The following TTC28 variants were observed in gnomAD, a reference collection of about 807,000 sequenced individuals.
TTC28 encodes the protein tetratricopeptide repeat protein 28.
In TTC28, 61 loss-of-function variants were observed where a neutral mutation model predicts 198.0. That is an observed-to-expected ratio of 0.31 (90% CI 0.25 to 0.38). TTC28 has a LOEUF of 0.38. TTC28 is among the 10% of genes least tolerant of loss of function. The probability of loss-of-function intolerance (pLI) is 1.00; values close to 1 mark genes in which losing one functional copy is unlikely to be tolerated. For synonymous variants in TTC28, 1,171 were observed against 1,297.8 expected, an observed-to-expected ratio of 0.90 and a Z score of 2.10; for missense variants, 2,678 against 3,164.0, an observed-to-expected ratio of 0.85 and a Z score of 3.69.
chr22:28,063,692 G>C (rs1940638202), intron 12 of TTC28, among the ~76,000 whole-genome samples: 1 of 152,188 alleles, frequency 6.6e-6, no homozygotes, highest in South Asian at 2.1e-4. Context: ...CTCTATCAGT[G>C]ATGGATGCAC....
intron 1 of TTC28, among the ~76,000 whole-genome samples, chr22:28,669,512 A>G (rs2051844428): frequency 6.6e-6 from 1 of 151,904 alleles, no homozygotes; most frequent in African/African-American, 2.4e-5. Context: ...ATGTTCCTCA[A>G]TATCAAATTG....
chr22:28,436,267 T>G (rs182359266), intron 2 of TTC28, among the ~76,000 whole-genome samples: 22 of 152,362 alleles, frequency 1.4e-4, no homozygotes, highest in African/African-American at 4.3e-4. Context: ...TGAAGATCAC[T>G]GTGCATCTCA....
In TTC28 at chr22:28,163,384, T is replaced by A. The variant is rs1403293081; in HGVS notation, c.1149A>T (p.Ile383=). Residue 383 remains isoleucine, a synonymous_variant, in exon 6 of 23, where the codon ATA becomes ATT. Transcript: ENST00000397906. The stretch of plus-strand genomic sequence containing the variant: ...CTCGCTTGTTCCCCAGGTCCTTGGC[T>A]ATCTTCAGATGCTGCTCATGGCACT... The part of the protein sequence containing the change: ...AVQCHEQHLK[I]AKDLGNKREE... 1.3e-6 allele frequency: 2 copies of A among 1,551,936 alleles called. No individual in the cohort carries two copies. The highest frequency in any genetic ancestry group is 2.7e-5 in the African/African-American group (2 of 73,062).
chr22:28,458,717 T>C (rs2047902615), intron 2 of TTC28, among the ~76,000 whole-genome samples: 1 of 151,660 alleles, frequency 6.6e-6, no homozygotes, highest in South Asian at 2.1e-4. Flanking sequence ...CCATCTCTAC[T>C]AAAAATACAA....
intron 12 of TTC28, among the ~76,000 whole-genome samples, chr22:28,077,487 T>A (rs1941206095): frequency 6.6e-6 from 1 of 152,172 alleles, no homozygotes; most frequent in Non-Finnish European, 1.5e-5. Flanking sequence ...ATGACAAGCT[T>A]CTTCTGATGT....
chr22:28,191,822 TCAAGGAGGCCTG>T (rs1449294398), intron 5 of TTC28, among the ~76,000 whole-genome samples: 1 of 152,110 alleles, frequency 6.6e-6, no homozygotes, highest in Non-Finnish European at 1.5e-5. Flanking sequence ...CCACTGCAGC[TCAAGGAGGCCTG>T]CCTGCCTCTG....
intron 12 of TTC28, among the ~76,000 whole-genome samples, chr22:28,066,440 T>G (rs183646096): frequency 6.6e-6 from 1 of 152,138 alleles, no homozygotes; most frequent in South Asian, 2.1e-4. Context: ...GACTCACTCA[T>G]CCTACATAAC....
intron 1 of TTC28, among the ~76,000 whole-genome samples, chr22:28,672,486 G>C (rs910867419): frequency 6.6e-6 from 1 of 151,826 alleles, no homozygotes; most frequent in Admixed American, 6.6e-5. Flanking sequence ...ATTTTTATTA[G>C]AGACATGGTT....
intron 6 of TTC28, among the ~76,000 whole-genome samples, chr22:28,145,690 T>C (rs879940950): frequency 6.6e-6 from 1 of 152,216 alleles, no homozygotes; most frequent in Non-Finnish European, 1.5e-5. Context: ...CAGAGTATTG[T>C]GAAGGATAAG....
At chr22:28,541,232 C>T (rs143107963) in intron 2 of TTC28, among the ~76,000 whole-genome samples, 1 of 152,266 alleles carries the variant, frequency 6.6e-6, no homozygotes, top group Non-Finnish European at 1.5e-5. Flanking sequence ...GCAGCACAAA[C>T]GTGTGATGCC....
intron 2 of TTC28, among the ~76,000 whole-genome samples, chr22:28,579,887 T>G (rs914144618): frequency 6.6e-6 from 1 of 151,936 alleles, no homozygotes; most frequent in African/African-American, 2.4e-5. Context: ...GAAGAACCAC[T>G]TGAACCCCGG....
chr22:28,417,289 C>T (rs1032718982), intron 2 of TTC28, among the ~76,000 whole-genome samples: 4 of 137,984 alleles, frequency 2.9e-5, no homozygotes, highest in Non-Finnish European at 6.2e-5. Flanking sequence ...ATAGCAAGAC[C>T]CTGTCTCTAC....
intron 13 of TTC28, among the ~76,000 whole-genome samples, chr22:28,025,060 T>C (rs1446540466): frequency 6.6e-6 from 1 of 152,202 alleles, no homozygotes. Context: ...GCCAGGGCTA[T>C]AGCTGTAGCT....
intron 5 of TTC28, among the ~76,000 whole-genome samples, chr22:28,237,552 TTATTG>T (rs1360937256): frequency 6.6e-6 from 1 of 152,226 alleles, no homozygotes; most frequent in Non-Finnish European, 1.5e-5. Context: ...CTTTGAGCTA[TTATTG>T]TAATGTATTG....
chr22:28,235,921 T>G (rs1429416836), intron 5 of TTC28, among the ~76,000 whole-genome samples: 3 of 152,232 alleles, frequency 2.0e-5, no homozygotes, highest in Non-Finnish European at 2.9e-5. Context: ...ATAGACGAAC[T>G]TTTAAGAAAC....
chr22:28,285,122 GTA>G (rs777439090), intron 5 of TTC28, among the ~76,000 whole-genome samples: 2 of 152,156 alleles, frequency 1.3e-5, no homozygotes, highest in Non-Finnish European at 1.5e-5. Flanking sequence ...AAAACGGAGT[GTA>G]TGTGTGTGTG....
intron 2 of TTC28, among the ~76,000 whole-genome samples, chr22:28,391,922 T>A (rs575249280): frequency 6.6e-6 from 1 of 152,222 alleles, no homozygotes; most frequent in Non-Finnish European, 1.5e-5. Context: ...GGCGCTCTGC[T>A]TTTTAGAGTT....
At chr22:28,598,233 G>A (rs994660901) in intron 2 of TTC28, among the ~76,000 whole-genome samples, 4 of 151,596 alleles carry the variant, frequency 2.6e-5, no homozygotes, top group Non-Finnish European at 5.9e-5. Context: ...CAAGCAGGCC[G>A]GGCACAGTGG....
chr22:27,992,336 G>T, intron 19 of TTC28: 1 of 543,588 alleles, frequency 1.8e-6, no homozygotes, highest in East Asian at 3.2e-5. Flanking sequence ...CTGCTGGTAC[G>T]ACCTCCCATC....
Sources: gnomAD v4.1 joint callset for allele counts (sites outside exome capture counted in the v4.1 genomes callset) on GRCh38, gnomAD v4.1.1 for gene constraint, MANE v1.5 for transcripts, NCBI Gene and HGNC (gene_info 2026-07-23, HGNC 2026-07-21) for gene names.